The following FER1L6 variants were observed in gnomAD, a reference collection of about 807,000 sequenced individuals.
FER1L6 encodes fer-1 like family member 6.
FER1L6 carries 177 observed loss-of-function variants against 219.2 expected under a neutral mutation model. The observed-to-expected ratio is 0.81, with a 90% CI of 0.71 to 0.91. The LOEUF (loss-of-function observed/expected upper bound fraction) is 0.91, where lower values mean the gene tolerates loss of function less well. FER1L6 is among the 40% of genes least tolerant of loss of function. The pLI, the probability that FER1L6 is intolerant of heterozygous loss-of-function variation, is 0.00. For missense variants in FER1L6, 2,153 were observed against 2,259.9 expected (o/e 0.95, Z 0.96); for synonymous variants, 768 against 824.3 (o/e 0.93, Z 1.17).
intron 1 of FER1L6, among the ~76,000 whole-genome samples, chr8:123,859,849 A>G (rs1201924330): frequency 6.9e-6 from 1 of 145,364 alleles, no homozygotes; most frequent in Non-Finnish European, 1.5e-5. Context: ...GATGATTTCC[A>G]ATTTCATCCA....
chr8:123,900,902 G>T (rs1812844382), intron 1 of FER1L6, among the ~76,000 whole-genome samples: 1 of 152,150 alleles, frequency 6.6e-6, no homozygotes, highest in Admixed American at 6.6e-5. Flanking sequence ...GATTCGGTTA[G>T]CTAGTATTTT....
At chr8:123,894,493 G>C (rs1812714820) in intron 1 of FER1L6, among the ~76,000 whole-genome samples, 1 of 152,158 alleles carries the variant, frequency 6.6e-6, no homozygotes, top group Non-Finnish European at 1.5e-5. Context: ...ACTATAGTGA[G>C]ATAAATCATG....
At chr8:123,862,665 T>C (rs1419128625) in intron 1 of FER1L6, among the ~76,000 whole-genome samples, 2 of 143,870 alleles carry the variant, frequency 1.4e-5, no homozygotes, top group African/African-American at 5.6e-5. Context: ...GCTCCTGTTA[T>C]TGGTCTATTC....
At chr8:124,002,089 C>T (rs1817434426) in intron 12 of FER1L6, among the ~76,000 whole-genome samples, 1 of 152,196 alleles carries the variant, frequency 6.6e-6, no homozygotes. Flanking sequence ...CACTTTGAGG[C>T]ATGTGGGCTG....
At position 123,924,407 on chromosome 8, in the gene FER1L6, C is replaced by A. The variant is rs376262360; in HGVS notation, c.-7-31585C>A. Reference sequence around the variant, plus strand: ...AATACAAAAAATTAGCCGGGCATGGCGGCAGATGCCTGCAATCCCAGCTAC... The same window carrying A: ...AATACAAAAAATTAGCCGGGCATGGAGGCAGATGCCTGCAATCCCAGCTAC... On this transcript the variant is annotated intron_variant, in intron 1 of 40. Coordinates refer to ENST00000522917, the MANE Select transcript of FER1L6 (RefSeq NM_001039112.2). Among the ~76,000 whole-genome samples the A allele has an allele frequency of 3.3e-5, 5 of 150,116 alleles. No homozygotes were observed. The South Asian group carries it at 1.1e-3, about 32-fold the overall frequency.
At chr8:124,055,944 T>C (rs946207851) in intron 22 of FER1L6, among the ~76,000 whole-genome samples, 1 of 152,070 alleles carries the variant, frequency 6.6e-6, no homozygotes, top group Non-Finnish European at 1.5e-5. Flanking sequence ...CCAGACAGCT[T>C]CTTCAAGTCT....
chr8:123,960,544 C>T (rs1484800839), intron 2 of FER1L6, among the ~76,000 whole-genome samples: 2 of 152,216 alleles, frequency 1.3e-5, no homozygotes, highest in African/African-American at 4.8e-5. Context: ...CTACCACTAA[C>T]TCAGTGACTT....
intron 18 of FER1L6, among the ~76,000 whole-genome samples, chr8:124,033,828 C>T (rs1049045537): frequency 7.2e-5 from 11 of 152,212 alleles, no homozygotes; most frequent in African/African-American, 2.7e-4. Flanking sequence ...TCTCAGTTTC[C>T]TCAGTACTTT....
At chr8:123,911,418 C>A (rs940816657) in intron 1 of FER1L6, among the ~76,000 whole-genome samples, 2 of 152,188 alleles carry the variant, frequency 1.3e-5, no homozygotes, top group African/African-American at 4.8e-5. Context: ...CAGGCAGTGT[C>A]ATGCTTCACA....
intron 1 of FER1L6, among the ~76,000 whole-genome samples, chr8:123,878,075 G>A (rs962175238): frequency 3.3e-5 from 5 of 152,108 alleles, no homozygotes; most frequent in African/African-American, 7.2e-5. Flanking sequence ...TTAAGTCATC[G>A]TGTGTCACTC....
intron 1 of FER1L6, among the ~76,000 whole-genome samples, chr8:123,875,734 A>C (rs1299464264): frequency 6.6e-6 from 1 of 152,130 alleles, no homozygotes; most frequent in Non-Finnish European, 1.5e-5. Context: ...CATATTAATA[A>C]ATGACAACTC....
At chr8:123,867,212 T>C (rs981704111) in intron 1 of FER1L6, among the ~76,000 whole-genome samples, 2 of 152,236 alleles carry the variant, frequency 1.3e-5, no homozygotes, top group African/African-American at 2.4e-5. Flanking sequence ...TATGTTTAAG[T>C]CTTTTATTCA....
intron 1 of FER1L6, among the ~76,000 whole-genome samples, chr8:123,867,584 A>C (rs1337197756): frequency 6.6e-6 from 1 of 152,198 alleles, no homozygotes; most frequent in African/African-American, 2.4e-5. Flanking sequence ...TTTATTTACA[A>C]AATGAGAACA....
At chr8:124,085,793 T>G (rs979392556) in intron 33 of FER1L6, among the ~76,000 whole-genome samples, 34 of 152,122 alleles carry the variant, frequency 2.2e-4, no homozygotes, top group African/African-American at 7.0e-4. Flanking sequence ...CCTGTCTGGA[T>G]GACCTGCCCA....
chr8:123,992,284 T>C (rs1300663269), intron 12 of FER1L6, among the ~76,000 whole-genome samples: 2 of 152,180 alleles, frequency 1.3e-5, no homozygotes, highest in African/African-American at 4.8e-5. Context: ...GTACTAACTC[T>C]TTTATGAATG....
At chr8:124,095,194 T>C (rs568257545) in intron 35 of FER1L6, among the ~76,000 whole-genome samples, 156 bp downstream of exon 35, 28 of 152,302 alleles carry the variant, frequency 1.8e-4, no homozygotes, top group African/African-American at 6.7e-4. Context: ...GCTACTGGCA[T>C]ATAGTGGGTA....
intron 1 of FER1L6, among the ~76,000 whole-genome samples, chr8:123,875,646 C>G (rs1816994775): frequency 2.0e-5 from 3 of 152,198 alleles, no homozygotes; most frequent in Admixed American, 2.0e-4. Context: ...TAACAGGCAT[C>G]TCAAACATCA....
At chr8:123,916,031 G>C (rs1563683677) in intron 1 of FER1L6, among the ~76,000 whole-genome samples, 1 of 152,174 alleles carries the variant, frequency 6.6e-6, no homozygotes, top group Non-Finnish European at 1.5e-5. Flanking sequence ...GCGAGCCTGT[G>C]TTGATCTCTG....
At chr8:123,951,279 AG>A (rs1814753695) in intron 1 of FER1L6, among the ~76,000 whole-genome samples, 2 of 152,212 alleles carry the variant, frequency 1.3e-5, no homozygotes, top group South Asian at 4.1e-4. Flanking sequence ...TGTGGGGCAC[AG>A]TTTTAGAAAG....
Sources: gnomAD v4.1 joint callset for allele counts (sites outside exome capture counted in the v4.1 genomes callset) on GRCh38, gnomAD v4.1.1 for gene constraint, MANE v1.5 for transcripts, NCBI Gene and HGNC (gene_info 2026-07-23, HGNC 2026-07-21) for gene names.